The following ALK variants were observed in gnomAD, a reference collection of about 807,000 sequenced individuals.
ALK encodes the protein ALK receptor tyrosine kinase, also known as ALK tyrosine kinase receptor.
In ALK, 74 loss-of-function variants were observed where a neutral mutation model predicts 163.1. The ratio of observed to expected loss-of-function variants is 0.45; its 90% CI spans 0.38 to 0.55. The LOEUF is 0.55. ALK is among the 20% of genes least tolerant of loss of function. ALK has a pLI of 0.00. For synonymous variants in ALK, 960 were observed against 843.2 expected, an observed-to-expected ratio of 1.14 and a Z score of -2.40; for missense variants, 2,063 against 2,105.3, an observed-to-expected ratio of 0.98 and a Z score of 0.39.
In ALK at chr2:29,569,747, C is replaced by T. The variant is rs529733895; in HGVS notation, c.953-37631G>A. On this transcript the variant is annotated intron_variant, in intron 3 of 28. Transcript: ENST00000389048. ...CATGATTATTCTACTAGGGTATTCC[C>T]TTCAGTCCCTAGCACAGATCCTGGG... Among the ~76,000 whole-genome samples, 132 of 152,340 alleles carry T rather than the reference C, an allele frequency of 8.7e-4. 2 individuals are homozygous for T. Among genetic ancestry groups the T allele is most frequent in the African/African-American group, 2.8e-3 (117 of 41,570 alleles).
intron 4 of ALK, among the ~76,000 whole-genome samples, chr2:29,445,881 C>A (rs532693981): frequency 2.0e-5 from 3 of 151,064 alleles, no homozygotes; most frequent in Admixed American, 6.6e-5. Flanking sequence ...GGGCGGATCA[C>A]GAGGTCAGGA....
chr2:29,329,979 A>G (rs1667391321), intron 5 of ALK, among the ~76,000 whole-genome samples: 1 of 152,146 alleles, frequency 6.6e-6, no homozygotes, highest in Non-Finnish European at 1.5e-5. Context: ...TGCCCTCTCC[A>G]TCTCACGGAA....
At chr2:29,675,825 G>A (rs1020397397) in intron 3 of ALK, among the ~76,000 whole-genome samples, 2 of 151,950 alleles carry the variant, frequency 1.3e-5, no homozygotes, top group Non-Finnish European at 2.9e-5. Context: ...TGCAATGTGA[G>A]CTTTAGTGTA....
intron 3 of ALK, among the ~76,000 whole-genome samples, chr2:29,593,595 C>A (rs886371703): frequency 6.6e-6 from 1 of 152,222 alleles, no homozygotes; most frequent in Non-Finnish European, 1.5e-5. Context: ...TAGGGCTATG[C>A]ACCTGAGAAG....
Position 29,914,864 on chromosome 2 carries a change from G to T in ALK, c.667+5129C>A, listed in dbSNP as rs556544789. On this transcript the variant is annotated intron_variant, in intron 1 of 28. Coordinates refer to ENST00000389048, the MANE Select transcript of ALK (RefSeq NM_004304.5). Reference sequence around the variant, plus strand: ...CTGACTTGAAGGAAAGGGGAACTGTGGTTCTAGTCAGTATGAAAGTTTCCA... The same window carrying T: ...CTGACTTGAAGGAAAGGGGAACTGTTGTTCTAGTCAGTATGAAAGTTTCCA... Among the ~76,000 whole-genome samples, 8 of 152,268 alleles carry T rather than the reference G, an allele frequency of 5.3e-5. No individual in the cohort carries two copies. The East Asian group carries it at 1.5e-3, about 29-fold the overall frequency.
intron 4 of ALK, among the ~76,000 whole-genome samples, chr2:29,522,096 G>C (rs1295597046): frequency 6.6e-6 from 1 of 152,210 alleles, no homozygotes; most frequent in Non-Finnish European, 1.5e-5. Context: ...AAATAAGACT[G>C]CATCCTTAAT....
At chr2:29,873,397 A>T (rs189185158) in intron 1 of ALK, among the ~76,000 whole-genome samples, 7 of 152,290 alleles carry the variant, frequency 4.6e-5, no homozygotes, top group Admixed American at 3.9e-4. Flanking sequence ...AGCACATGCC[A>T]CTGGAGCAAC....
chr2:29,377,378 G>A (rs548369728), intron 5 of ALK, among the ~76,000 whole-genome samples: 1 of 151,922 alleles, frequency 6.6e-6, no homozygotes, highest in Non-Finnish European at 1.5e-5. Flanking sequence ...AGGAGCCTGA[G>A]GCAGGAGAAT....
intron 26 of ALK, among the ~76,000 whole-genome samples, chr2:29,202,138 C>T (rs1669197444): frequency 6.6e-6 from 1 of 152,184 alleles, no homozygotes; most frequent in South Asian, 2.1e-4. Context: ...TTTCATTCCT[C>T]AGCAAGCAAG....
chr2:29,697,133 T>A (rs1045109944), intron 2 of ALK, among the ~76,000 whole-genome samples: 2 of 152,074 alleles, frequency 1.3e-5, no homozygotes, highest in African/African-American at 2.4e-5. Context: ...TGGTCCATAT[T>A]TGATGCTCTG....
At chr2:29,383,920 A>C in intron 4 of ALK, 61 bp from the exon 5 acceptor site, 3 of 1,607,430 alleles carry the variant, frequency 1.9e-6, no homozygotes, top group Non-Finnish European at 1.7e-6. Flanking sequence ...AATTAGGCCT[A>C]ACATGTGGAC....
rs111260724 is a variant in ALK, at chr2:29,792,973, T to G, written c.668-75276A>C. ...ACAATAATGAAGTTTGTTGCATCCA[T>G]TGACTCTTCCTTTCATGAAAGATTT... On this transcript the variant is annotated intron_variant, in intron 1 of 28. Transcript: ENST00000389048. Among the ~76,000 whole-genome samples the G allele has an allele frequency of 5.4e-3, 829 of 152,294 alleles. 4 individuals are homozygous for G. Among genetic ancestry groups the G allele is most frequent in the Non-Finnish European group, 8.2e-3 (560 of 68,010 alleles).
chr2:29,787,072 G>T (rs1664052401), intron 1 of ALK, among the ~76,000 whole-genome samples: 3 of 152,040 alleles, frequency 2.0e-5, no homozygotes, highest in Admixed American at 2.0e-4. Context: ...TGGGATTACA[G>T]GCATGAGCCA....
intron 1 of ALK, among the ~76,000 whole-genome samples, chr2:29,830,949 AGAAGAAAAGAAG>A (rs1665362248): frequency 2.0e-5 from 1 of 50,584 alleles, no homozygotes; most frequent in African/African-American, 6.6e-5. Context: ...GAAGAAAAGA[AGAAGAAAAGAAG>A]AAGAAGAAGA....
chr2:29,638,975 A>C (rs1676623471), intron 3 of ALK, among the ~76,000 whole-genome samples: 1 of 152,222 alleles, frequency 6.6e-6, no homozygotes, highest in Admixed American at 6.5e-5. Flanking sequence ...TAGACAAGAA[A>C]TAAATGCCAG....
chr2:29,226,097 A>T (rs1212089369), intron 18 of ALK, among the ~76,000 whole-genome samples: 3 of 152,082 alleles, frequency 2.0e-5, no homozygotes, highest in Admixed American at 6.6e-5. Context: ...GAAGAGGGAC[A>T]CTGGTGGGGC....
intron 1 of ALK, among the ~76,000 whole-genome samples, chr2:29,907,803 G>A (rs1387574546): frequency 2.0e-5 from 3 of 151,980 alleles, no homozygotes; most frequent in South Asian, 2.1e-4. Context: ...GCTTTCATGT[G>A]CATCCCAGAT....
intron 23 of ALK, 74 bp downstream of exon 23, chr2:29,220,632 G>A (rs1573119901): frequency 6.2e-7 from 1 of 1,604,810 alleles, no homozygotes; most frequent in Non-Finnish European, 8.5e-7. Flanking sequence ...TACCCAGGCT[G>A]CCCACTCTTG....
intron 1 of ALK, among the ~76,000 whole-genome samples, chr2:29,860,388 G>A (rs1666248584): frequency 7.7e-6 from 1 of 130,304 alleles, no homozygotes. Flanking sequence ...GTTAAGGAAA[G>A]GGAGAAAAAA....
Sources: gnomAD v4.1 joint callset for allele counts (sites outside exome capture counted in the v4.1 genomes callset) on GRCh38, gnomAD v4.1.1 for gene constraint, MANE v1.5 for transcripts, NCBI Gene and HGNC (gene_info 2026-07-23, HGNC 2026-07-21) for gene names.